Variants in PCTP observed in about 807,000 individuals in gnomAD.
The protein encoded by PCTP is phosphatidylcholine transfer protein.
Under a neutral mutation model 31.0 loss-of-function variants are expected in PCTP, and 27 were observed. That is an observed-to-expected ratio of 0.87 (90% CI 0.64 to 1.20). PCTP has a LOEUF of 1.20. Ranked by LOEUF, PCTP falls within the 50% of genes most tolerant of loss-of-function variation. The probability of loss-of-function intolerance (pLI) is 0.00; values close to 1 mark genes in which losing one functional copy is unlikely to be tolerated. For missense variants in PCTP, 287 were observed against 268.2 expected (o/e 1.07, Z -0.49); for synonymous variants, 108 against 101.2 (o/e 1.07, Z -0.40).
At chr17:55,828,534 A>C (rs1905482168) in intron 5 of PCTP, among the ~76,000 whole-genome samples, 1 of 152,206 alleles carries the variant, frequency 6.6e-6, no homozygotes, top group African/African-American at 2.4e-5. Context: ...TTATGACACC[A>C]GTCATTGGAT....
intron 2 of PCTP, among the ~76,000 whole-genome samples, chr17:55,782,869 A>G (rs1911609379): frequency 6.6e-6 from 1 of 152,238 alleles, no homozygotes; most frequent in South Asian, 2.1e-4. Context: ...AATACTTTCT[A>G]TTAAATGTAT....
chr17:55,801,388 C>T (rs888414661), intron 3 of PCTP, among the ~76,000 whole-genome samples: 2 of 151,998 alleles, frequency 1.3e-5, no homozygotes, highest in African/African-American at 4.8e-5. Context: ...CAAAACTCTC[C>T]ACTCCAAATC....
intron 5 of PCTP, among the ~76,000 whole-genome samples, chr17:55,835,090 G>A (rs1905734354): frequency 6.6e-6 from 1 of 152,206 alleles, no homozygotes; most frequent in Non-Finnish European, 1.5e-5. Flanking sequence ...AGAGCTTGGA[G>A]TGATGCTGCC....
At chr17:55,780,977 A>G (rs185767521), downstream of PCTP, among the ~76,000 whole-genome samples, 2 of 151,986 alleles carry the variant, frequency 1.3e-5, no homozygotes, top group African/African-American at 4.8e-5. Context: ...TACAAGAGAG[A>G]GAAATAGACT....
chr17:55,822,733 C>A, intron 3 of PCTP: 2 of 1,214,334 alleles, frequency 1.6e-6, no homozygotes, highest in Non-Finnish European at 2.1e-6. Context: ...TTACTCTCAT[C>A]CTTTGCTCTT....
chr17:55,837,827 G>C (rs1267198802), intron 5 of PCTP, among the ~76,000 whole-genome samples: 5 of 152,060 alleles, frequency 3.3e-5, no homozygotes, highest in Non-Finnish European at 7.4e-5. Flanking sequence ...TCTGATCTTT[G>C]CACCAGAGTG....
chr17:55,797,903 A>C (rs760712072), intron 3 of PCTP, among the ~76,000 whole-genome samples: 3 of 152,050 alleles, frequency 2.0e-5, no homozygotes, highest in Admixed American at 2.0e-4. Flanking sequence ...AAGAAGAATA[A>C]AAGCAGACAA....
downstream of PCTP, among the ~76,000 whole-genome samples, chr17:55,781,167 G>A (rs1911551621): frequency 1.3e-5 from 2 of 152,204 alleles, no homozygotes; most frequent in Non-Finnish European, 2.9e-5. Flanking sequence ...TAAGTGATCT[G>A]CAAATTTCTG....
At chr17:55,813,159 G>A (rs1374412084) in intron 3 of PCTP, among the ~76,000 whole-genome samples, 2 of 152,212 alleles carry the variant, frequency 1.3e-5, no homozygotes, top group Non-Finnish European at 2.9e-5. Flanking sequence ...AATTAAAAAT[G>A]AGCAGGGCAG....
chr17:55,784,229 G>C (rs1221765679), intron 2 of PCTP, among the ~76,000 whole-genome samples: 2 of 152,102 alleles, frequency 1.3e-5, no homozygotes, highest in Non-Finnish European at 2.9e-5. Flanking sequence ...AGATAACTAG[G>C]GAGAAGGAAT....
At chr17:55,774,215 C>T (rs1017317385) in intron 4 of PCTP, among the ~76,000 whole-genome samples, 5 of 152,138 alleles carry the variant, frequency 3.3e-5, no homozygotes, top group African/African-American at 1.2e-4. Context: ...GATACATACG[C>T]TGGGCCTAAG....
At position 55,836,357 on chromosome 17, in the gene PCTP, G is replaced by A. The variant is rs528621600; in HGVS notation, n.506-6370G>A. Among the ~76,000 whole-genome samples the A allele has an allele frequency of 2.0e-5, 3 of 152,266 alleles. No homozygotes were observed. The East Asian group carries it at 5.8e-4, about 29-fold the overall frequency. The stretch of plus-strand genomic sequence containing the variant: ...GTACACTGTAAACTAAAAAAGAGTG[G>A]TTTAGTCCACCATTATGTCTTTAAT... On this transcript the variant is annotated intron_variant and non_coding_transcript_variant, in intron 5 of 5. Transcript: ENST00000576221.
chr17:55,815,888 T>G (rs929965733), intron 3 of PCTP, among the ~76,000 whole-genome samples: 1 of 152,152 alleles, frequency 6.6e-6, no homozygotes, highest in Non-Finnish European at 1.5e-5. Flanking sequence ...ACAAGACCTC[T>G]CATCTTTTGA....
At chr17:55,810,271 C>T (rs962490483) in intron 3 of PCTP, among the ~76,000 whole-genome samples, 4 of 152,254 alleles carry the variant, frequency 2.6e-5, no homozygotes, top group African/African-American at 9.6e-5. Context: ...CCTGCCTTGG[C>T]TTCCCAAAGC....
intron 3 of PCTP, among the ~76,000 whole-genome samples, chr17:55,811,030 AT>A (rs1302554485): frequency 6.6e-6 from 1 of 152,198 alleles, no homozygotes; most frequent in African/African-American, 2.4e-5. Flanking sequence ...TTACCCATCT[AT>A]AGAATGCCCT....
intron 5 of PCTP, among the ~76,000 whole-genome samples, 170 bp downstream of exon 5, chr17:55,775,029 A>G (rs8073286): frequency 5.9e-5 from 9 of 152,198 alleles, no homozygotes; most frequent in African/African-American, 2.2e-4. Flanking sequence ...GGCTGCCAAC[A>G]TCCAAGACGG....
At chr17:55,775,397 TCTA>T (rs1911273605) in intron 5 of PCTP, 3 of 1,232,052 alleles carry the variant, frequency 2.4e-6, no homozygotes, top group African/African-American at 1.6e-5. Flanking sequence ...TTGCACAAGA[TCTA>T]CTACTAGAGA....
At chr17:55,751,288 C>T in intron 1 of PCTP, 44 bp downstream of exon 1, 4 of 1,518,834 alleles carry the variant, frequency 2.6e-6, no homozygotes, top group Non-Finnish European at 3.5e-6. Flanking sequence ...TAGAATGCGC[C>T]GGGGTCGACC....
At chr17:55,792,073 G>A (rs1013304267) in intron 3 of PCTP, among the ~76,000 whole-genome samples, 22 of 144,384 alleles carry the variant, frequency 1.5e-4, no homozygotes, top group Non-Finnish European at 1.8e-4. Context: ...ACCAAACACC[G>A]CATATTCTCA....
Sources: allele counts gnomAD v4.1 joint callset (sites outside exome capture counted in the v4.1 genomes callset), GRCh38; gene constraint gnomAD v4.1.1; transcripts MANE v1.5; gene names NCBI Gene and HGNC (gene_info 2026-07-23, HGNC 2026-07-21).